The following PLCL1 variants were observed in gnomAD, a reference collection of about 807,000 sequenced individuals.
PLCL1 encodes phospholipase C like 1 (inactive), also known as inactive phospholipase C-like protein 1.
PLCL1 carries 41 observed loss-of-function variants against 84.4 expected under a neutral mutation model. That is an observed-to-expected ratio of 0.49 (90% confidence interval 0.38 to 0.63). The LOEUF (loss-of-function observed/expected upper bound fraction) is 0.63, where lower values mean the gene tolerates loss of function less well. Among genes scored for constraint, PLCL1 ranks in the 30% least tolerant of loss-of-function variants. The pLI is 0.00. For synonymous variants in PLCL1, 490 were observed against 488.3 expected (o/e 1.00, Z -0.05); for missense variants, 1,206 against 1,367.8 (o/e 0.88, Z 1.87).
At chr2:197,961,607 C>T (rs1689625762) in intron 1 of PLCL1, among the ~76,000 whole-genome samples, 1 of 146,902 alleles carries the variant, frequency 6.8e-6, no homozygotes. Context: ...TGGAGGATTG[C>T]TTATTATGCT....
chr2:198,042,938 T>A (rs1229470029), intron 1 of PLCL1, among the ~76,000 whole-genome samples: 2 of 151,932 alleles, frequency 1.3e-5, no homozygotes, highest in Non-Finnish European at 2.9e-5. Flanking sequence ...TCTAGAGAGA[T>A]CAAGAAAGGT....
At chr2:197,839,068 A>G (rs1462182190) in intron 1 of PLCL1, among the ~76,000 whole-genome samples, 1 of 152,218 alleles carries the variant, frequency 6.6e-6, no homozygotes, top group African/African-American at 2.4e-5. Flanking sequence ...AACTTTTACA[A>G]AAGAAGAATT....
chr2:198,128,109 G>A lies in PLCL1; in HGVS notation c.3106-18671G>A, dbSNP rs564864766. Among the ~76,000 whole-genome samples, 7 of 152,090 alleles carry A rather than the reference G, an allele frequency of 4.6e-5. No individual in the cohort carries two copies. In the South Asian group the frequency reaches 6.2e-4, roughly 14 times the overall value. On this transcript the variant is annotated intron_variant, in intron 5 of 5. Coordinates refer to ENST00000428675, the MANE Select transcript of PLCL1 (RefSeq NM_006226.4). ...GTATTTTGTCTTTTTCCTTTCATTC[G>A]TAGTTCAGCCTAACTGCATTTATAT...
At chr2:197,971,536 G>A (rs1320639866) in intron 1 of PLCL1, among the ~76,000 whole-genome samples, 1 of 152,146 alleles carries the variant, frequency 6.6e-6, no homozygotes, top group African/African-American at 2.4e-5. Context: ...GGAGCGGCAG[G>A]GGAGGTGACA....
At chr2:197,970,045 A>G (rs1689828728) in intron 1 of PLCL1, among the ~76,000 whole-genome samples, 1 of 152,230 alleles carries the variant, frequency 6.6e-6, no homozygotes, top group South Asian at 2.1e-4. Context: ...ATATGTGGCT[A>G]TTGAGCCCCT....
rs116770558 is a variant in PLCL1, at chr2:198,121,185, G to A, written c.3105+17249G>A. Among the ~76,000 whole-genome samples the A allele has an allele frequency of 1.5e-3, 222 of 152,118 alleles. 1 individual carries two copies. The highest frequency in any genetic ancestry group is 5.2e-3 in the African/African-American group (215 of 41,516). ...TTATTAGAGTTTTTCCTACAGAATT[G>A]TTTGAGCTCCTTATGTATTCCGATT... On this transcript the variant is annotated intron_variant, in intron 5 of 5. Transcript: ENST00000428675.
chr2:198,015,075 A>G (rs1462074557), intron 1 of PLCL1, among the ~76,000 whole-genome samples: 1 of 152,126 alleles, frequency 6.6e-6, no homozygotes, highest in Non-Finnish European at 1.5e-5. Context: ...GTTTCAGTGG[A>G]AGATAAAATG....
intron 5 of PLCL1, among the ~76,000 whole-genome samples, chr2:198,139,923 T>C (rs2105944513): frequency 6.6e-6 from 1 of 152,146 alleles, no homozygotes; most frequent in Non-Finnish European, 1.5e-5. Flanking sequence ...ATTTGAAACA[T>C]TAAATTTCAT....
intron 1 of PLCL1, among the ~76,000 whole-genome samples, chr2:197,917,842 G>T (rs1344031944): frequency 6.6e-6 from 1 of 152,146 alleles, no homozygotes; most frequent in Non-Finnish European, 1.5e-5. Context: ...CCACAAGAAT[G>T]GGTTATATCA....
At chr2:198,037,138 T>C (rs1011618549) in intron 1 of PLCL1, among the ~76,000 whole-genome samples, 4 of 152,142 alleles carry the variant, frequency 2.6e-5, no homozygotes, top group African/African-American at 9.7e-5. Flanking sequence ...CTCGAGAGAG[T>C]CCATTTCTAA....
chr2:198,112,151 T>C (rs1490814645), intron 5 of PLCL1, among the ~76,000 whole-genome samples: 2 of 151,928 alleles, frequency 1.3e-5, no homozygotes, highest in Non-Finnish European at 2.9e-5. Context: ...GTAGTCACAT[T>C]TCTCTTTGTA....
chr2:197,834,056 G>A (rs188489832), intron 1 of PLCL1, among the ~76,000 whole-genome samples: 161 of 152,288 alleles, frequency 1.1e-3, no homozygotes, highest in Non-Finnish European at 1.9e-3. Context: ...ACAAAAACAA[G>A]CAGTGGGGTA....
chr2:197,828,693 A>T (rs923509443), intron 1 of PLCL1, among the ~76,000 whole-genome samples: 1 of 152,198 alleles, frequency 6.6e-6, no homozygotes, highest in Non-Finnish European at 1.5e-5. Context: ...GATCAATTTT[A>T]TAATTGTATA....
At chr2:197,888,571 T>C (rs919265453) in intron 1 of PLCL1, among the ~76,000 whole-genome samples, 33 of 152,200 alleles carry the variant, frequency 2.2e-4, no homozygotes, top group Non-Finnish European at 3.8e-4. Context: ...AGAGTGAGGA[T>C]AATTACAATA....
At chr2:198,145,390 G>A (rs1482028951) in intron 5 of PLCL1, among the ~76,000 whole-genome samples, 3 of 152,162 alleles carry the variant, frequency 2.0e-5, no homozygotes. Context: ...AACATGGTGT[G>A]GGGAATAGAG....
chr2:197,947,112 T>C (rs911665500), intron 1 of PLCL1, among the ~76,000 whole-genome samples: 2 of 151,908 alleles, frequency 1.3e-5, no homozygotes, highest in Non-Finnish European at 2.9e-5. Flanking sequence ...TGAACATACG[T>C]TTTCATGGAG....
intron 1 of PLCL1, among the ~76,000 whole-genome samples, chr2:197,831,538 C>T (rs1691061466): frequency 6.6e-6 from 1 of 152,164 alleles, no homozygotes; most frequent in Admixed American, 6.5e-5. Flanking sequence ...TAGAGACCTA[C>T]ACAGAGACTT....
chr2:197,902,692 T>A lies in PLCL1; in HGVS notation c.240+97353T>A, dbSNP rs575341550. On this transcript the variant is annotated intron_variant, in intron 1 of 5. Coordinates refer to ENST00000428675, the MANE Select transcript of PLCL1 (RefSeq NM_006226.4). ...AAATGACAAATGCCAGGCTTTTCCA[T>A]GTGCATACATGTGTATGCTGAGACT... is the stretch of plus-strand genomic sequence containing the variant. Among the ~76,000 whole-genome samples, 104 of 152,302 alleles carry A rather than the reference T, an allele frequency of 6.8e-4. 1 individual carries two copies. The Middle Eastern group carries it at 0.01, about 15-fold the overall frequency.
At chr2:198,045,378 G>T (rs1691763185) in intron 1 of PLCL1, among the ~76,000 whole-genome samples, 1 of 151,998 alleles carries the variant, frequency 6.6e-6, no homozygotes, top group African/African-American at 2.4e-5. Flanking sequence ...TTTTATGAGG[G>T]TTATGAATCA....
Sources: allele counts gnomAD v4.1 joint callset (sites outside exome capture counted in the v4.1 genomes callset), GRCh38; gene constraint gnomAD v4.1.1; transcripts MANE v1.5; gene names NCBI Gene and HGNC (gene_info 2026-07-23, HGNC 2026-07-21).